Variants in BBX observed in about 807,000 individuals in gnomAD.
BBX encodes the protein BBX high mobility group box domain containing.
BBX carries 30 observed loss-of-function variants against 100.2 expected under a neutral mutation model. The observed-to-expected ratio is 0.30, with a 90% CI of 0.22 to 0.41. BBX has a LOEUF of 0.41. Among genes scored for constraint, BBX ranks in the 10% least tolerant of loss-of-function variants. The pLI is 1.00. For synonymous variants in BBX, 376 were observed against 388.1 expected, an observed-to-expected ratio of 0.97 and a Z score of 0.37; for missense variants, 1,023 against 1,129.8, an observed-to-expected ratio of 0.91 and a Z score of 1.35.
chr3:107,544,878 A>G (rs2049114089), intron 2 of BBX, among the ~76,000 whole-genome samples: 1 of 151,446 alleles, frequency 6.6e-6, no homozygotes, highest in African/African-American at 2.4e-5. Flanking sequence ...GTAGCCGGAC[A>G]TGGTGGCGGG....
At chr3:107,755,165 A>G (rs951272866) in intron 9 of BBX, among the ~76,000 whole-genome samples, 4 of 152,218 alleles carry the variant, frequency 2.6e-5, no homozygotes, top group African/African-American at 9.6e-5. Flanking sequence ...ATTGGATTCT[A>G]AACAAAATTT....
At chr3:107,595,385 A>G (rs1323532594) in intron 2 of BBX, among the ~76,000 whole-genome samples, 1 of 152,172 alleles carries the variant, frequency 6.6e-6, no homozygotes, top group Admixed American at 6.5e-5. Flanking sequence ...TTTGAATTTT[A>G]TTTGCTACTT....
At chr3:107,536,322 G>A (rs1223681028) in intron 2 of BBX, among the ~76,000 whole-genome samples, 2 of 152,192 alleles carry the variant, frequency 1.3e-5, no homozygotes, top group African/African-American at 4.8e-5. Context: ...ATTCAGCAAA[G>A]TCAGAGCCTA....
intron 2 of BBX, among the ~76,000 whole-genome samples, chr3:107,577,867 C>G (rs975199695): frequency 6.6e-6 from 1 of 151,892 alleles, no homozygotes; most frequent in Non-Finnish European, 1.5e-5. Flanking sequence ...CGAGCCTGGC[C>G]AAGCATAGAG....
At chr3:107,572,848 TTG>T (rs2051474571) in intron 2 of BBX, among the ~76,000 whole-genome samples, 1 of 152,210 alleles carries the variant, frequency 6.6e-6, no homozygotes, top group Admixed American at 6.5e-5. Flanking sequence ...TTTGTTAATT[TTG>T]TCTTCAAAAG....
intron 10 of BBX, among the ~76,000 whole-genome samples, chr3:107,764,102 C>A (rs2066159263): frequency 6.6e-6 from 1 of 152,164 alleles, no homozygotes; most frequent in Non-Finnish European, 1.5e-5. Context: ...AAGCGATTCT[C>A]CTGCCTCAGC....
chr3:107,751,088 T>TA (rs5851562), intron 9 of BBX, among the ~76,000 whole-genome samples: 58,589 of 151,984 alleles, frequency 0.39, 12,472 homozygotes, highest in East Asian at 0.92. Flanking sequence ...ATGTGTTTTT[T>TA]AAAAAACACC....
chr3:107,620,662 C>A (rs1475244216), intron 2 of BBX, among the ~76,000 whole-genome samples: 1 of 152,168 alleles, frequency 6.6e-6, no homozygotes, highest in Non-Finnish European at 1.5e-5. Flanking sequence ...GGCAGGGGCA[C>A]AGTCTACCTT....
intron 2 of BBX, among the ~76,000 whole-genome samples, chr3:107,547,977 CTT>C (rs1356545928): frequency 6.6e-6 from 1 of 152,130 alleles, no homozygotes; most frequent in African/African-American, 2.4e-5. Flanking sequence ...GGTTGCTTGT[CTT>C]TGTCATTTTT....
chr3:107,799,022 T>C (rs572136485), intron 16 of BBX, among the ~76,000 whole-genome samples: 1 of 151,216 alleles, frequency 6.6e-6, no homozygotes, highest in East Asian at 2.0e-4. Flanking sequence ...TGGTGGTGGG[T>C]GCCTGTAGTC....
chr3:107,620,251 A>G (rs2055641145), intron 2 of BBX, among the ~76,000 whole-genome samples: 1 of 152,062 alleles, frequency 6.6e-6, no homozygotes, highest in South Asian at 2.1e-4. Context: ...CTACTAATAT[A>G]TCTTCTGTTT....
intron 2 of BBX, among the ~76,000 whole-genome samples, chr3:107,540,880 T>G (rs2048818459): frequency 6.6e-6 from 1 of 152,142 alleles, no homozygotes; most frequent in African/African-American, 2.4e-5. Flanking sequence ...TCACTCCTCT[T>G]TTTGGAATTT....
chr3:107,626,901 C>T (rs142824824), intron 2 of BBX, among the ~76,000 whole-genome samples: 8 of 152,118 alleles, frequency 5.3e-5, no homozygotes, highest in South Asian at 2.1e-4. Flanking sequence ...GTGATCCGCC[C>T]GTCTTGGCCT....
chr3:107,580,145 A>T (rs1559834995), intron 2 of BBX, among the ~76,000 whole-genome samples: 1 of 152,302 alleles, frequency 6.6e-6, no homozygotes, highest in East Asian at 1.9e-4. Context: ...GTTCATTTTA[A>T]TCACTTGACA....
chr3:107,746,444 A>G (rs979734709), intron 8 of BBX, among the ~76,000 whole-genome samples: 2 of 152,192 alleles, frequency 1.3e-5, no homozygotes, highest in African/African-American at 4.8e-5. Context: ...AGATCTTACA[A>G]TGGATAAAAT....
intron 3 of BBX, among the ~76,000 whole-genome samples, chr3:107,695,254 C>G (rs866983475): frequency 1.7e-3 from 154 of 92,352 alleles, no homozygotes; most frequent in Middle Eastern, 4.2e-3. Context: ...AATGTGTTTG[C>G]TCTTGCTTTT....
chr3:107,610,329 T>C (rs2054749433), intron 2 of BBX, among the ~76,000 whole-genome samples: 1 of 152,140 alleles, frequency 6.6e-6, no homozygotes, highest in South Asian at 2.1e-4. Flanking sequence ...ATGTGTATTT[T>C]GCAGCTATTG....
At chr3:107,553,789 T>C (rs1453400891) in intron 2 of BBX, among the ~76,000 whole-genome samples, 1 of 152,242 alleles carries the variant, frequency 6.6e-6, no homozygotes, top group Non-Finnish European at 1.5e-5. Context: ...GTATGGTTAC[T>C]TACCCAGTTC....
At chr3:107,564,125 A>G (rs533843697) in intron 2 of BBX, among the ~76,000 whole-genome samples, 17 of 151,864 alleles carry the variant, frequency 1.1e-4, no homozygotes, top group African/African-American at 2.9e-4. Flanking sequence ...TGAATTTTCC[A>G]TGATAACTGG....
Sources: allele counts gnomAD v4.1 joint callset (sites outside exome capture counted in the v4.1 genomes callset), GRCh38; gene constraint gnomAD v4.1.1; transcripts MANE v1.5; gene names NCBI Gene and HGNC (gene_info 2026-07-23, HGNC 2026-07-21).